The following FAM13C variants were observed in gnomAD, a reference collection of about 807,000 sequenced individuals.
FAM13C encodes the protein family with sequence similarity 13 member C, also known as protein FAM13C.
Under a neutral mutation model 73.2 loss-of-function variants are expected in FAM13C, and 37 were observed. That is an observed-to-expected ratio of 0.51 (90% confidence interval 0.39 to 0.67). The LOEUF (loss-of-function observed/expected upper bound fraction) is 0.67, where lower values mean the gene tolerates loss of function less well. Among genes scored for constraint, FAM13C ranks in the 30% least tolerant of loss-of-function variants. FAM13C has a pLI of 0.00. For synonymous variants in FAM13C, 246 were observed against 260.9 expected (o/e 0.94, Z 0.55); for missense variants, 589 against 715.6 (o/e 0.82, Z 2.02).
At chr10:59,305,515 T>A (rs544576309) in intron 4 of FAM13C, among the ~76,000 whole-genome samples, 2 of 152,364 alleles carry the variant, frequency 1.3e-5, no homozygotes, top group East Asian at 3.9e-4. Context: ...ATTTGCATCC[T>A]GAAGAAAGCA....
At position 59,324,508 on chromosome 10, in the gene FAM13C, T is replaced by TCACA. The variant is rs140864889; in HGVS notation, c.325-406_325-403dup. Among the ~76,000 whole-genome samples the TCACA allele has an allele frequency of 2.3e-4, 35 of 149,048 alleles. No homozygotes were observed. In the South Asian group the frequency reaches 5.6e-3, roughly 24 times the overall value. On this transcript the variant is annotated intron_variant, in intron 3 of 13. Coordinates refer to ENST00000618804, the MANE Select transcript of FAM13C (RefSeq NM_198215.4). ...CATATGTATGAATGTTCACACATAC[T>TCACA]CACACACACACACACACACCCCACA... is the stretch of plus-strand genomic sequence containing the variant.
intron 8 of FAM13C, among the ~76,000 whole-genome samples, chr10:59,264,630 G>A (rs773927734): frequency 5.3e-5 from 8 of 152,250 alleles, no homozygotes; most frequent in East Asian, 1.9e-4. Flanking sequence ...ACCATAACCC[G>A]TGGGAGAATA....
In FAM13C at chr10:59,246,838, A is replaced by T; in HGVS notation, c.*776T>A. 1 of 384,082 alleles carries T rather than the reference A, an allele frequency of 2.6e-6. No homozygotes were observed. The highest frequency in any genetic ancestry group is 4.6e-6 in the Non-Finnish European group (1 of 217,088). The allele number at this position is 384,082 out of a possible 1,614,324, so 23.8% of individuals were successfully genotyped here. A position where few individuals can be genotyped will look rare whatever the true frequency, so the allele number is the denominator to read the frequency against. On this transcript the variant is annotated 3_prime_UTR_variant, in exon 14 of 14. Coordinates refer to ENST00000618804, the MANE Select transcript of FAM13C (RefSeq NM_198215.4). ...AGATTAGCAATAATACTATGGACAC[A>T]TTAGATTATATACTACAGACACATA...
intron 5 of FAM13C, among the ~76,000 whole-genome samples, chr10:59,291,785 C>CTTTTT (rs3078288): frequency 1.4e-5 from 1 of 72,772 alleles, no homozygotes; most frequent in Non-Finnish European, 2.8e-5. Flanking sequence ...TATAAACTCC[C>CTTTTT]TTTTTTTTTT....
intron 4 of FAM13C, among the ~76,000 whole-genome samples, chr10:59,308,375 C>T (rs1404627127): frequency 1.3e-5 from 2 of 151,900 alleles, no homozygotes; most frequent in African/African-American, 4.8e-5. Context: ...ACTACCACCA[C>T]CACCATTACC....
intron 8 of FAM13C, among the ~76,000 whole-genome samples, 197 bp downstream of exon 8, chr10:59,268,356 T>C (rs1328283338): frequency 1.3e-5 from 2 of 152,002 alleles, no homozygotes; most frequent in East Asian, 3.9e-4. Flanking sequence ...CTAGAAAATA[T>C]CCTAGCAGAG....
chr10:59,270,195 C>A, intron 6 of FAM13C, 86 bp from the exon 7 acceptor site: 17 of 1,306,410 alleles, frequency 1.3e-5, no homozygotes, highest in Admixed American at 2.2e-5. Flanking sequence ...CATAAGCATT[C>A]ATTATAATGG....
chr10:59,279,059 G>A (rs772061949), intron 6 of FAM13C, among the ~76,000 whole-genome samples: 18 of 152,084 alleles, frequency 1.2e-4, no homozygotes, highest in Admixed American at 3.9e-4. Flanking sequence ...TTTCTAAATC[G>A]CACCTGCAGC....
intron 5 of FAM13C, among the ~76,000 whole-genome samples, chr10:59,299,744 T>A (rs1847341880): frequency 6.6e-6 from 1 of 152,002 alleles, no homozygotes; most frequent in Admixed American, 6.5e-5. Context: ...CACTGACAGA[T>A]CTCAAGTCTA....
chr10:59,272,647 G>A (rs1477460270), intron 6 of FAM13C, among the ~76,000 whole-genome samples: 1 of 152,200 alleles, frequency 6.6e-6, no homozygotes, highest in African/African-American at 2.4e-5. Context: ...AGAGGAAAGG[G>A]TCTGGGAGCC....
At chr10:59,344,862 C>T (rs10826281) in intron 3 of FAM13C, among the ~76,000 whole-genome samples, 113,537 of 151,800 alleles carry the variant, frequency 0.75, 42,748 homozygotes, top group East Asian at 0.86. Flanking sequence ...AACTTCTCCA[C>T]AGTAGAGGCA....
At chr10:59,257,016 T>C (rs1330901188) in intron 10 of FAM13C, among the ~76,000 whole-genome samples, 1 of 152,208 alleles carries the variant, frequency 6.6e-6, no homozygotes, top group Non-Finnish European at 1.5e-5. Context: ...CCTTTATGTT[T>C]TCGGTTACAC....
rs1442759232 is a variant in FAM13C at position 59,330,131 on chromosome 10, T to A, written c.325-6025A>T. Among the ~76,000 whole-genome samples the A allele has an allele frequency of 4.6e-5, 7 of 152,318 alleles. 1 individual carries two copies. In the East Asian group the frequency reaches 1.4e-3, roughly 29 times the overall value. On this transcript the variant is annotated intron_variant, in intron 3 of 13. Coordinates refer to ENST00000618804, the MANE Select transcript of FAM13C (RefSeq NM_198215.4). Reference sequence around the variant, plus strand: ...AACAGCTTTGATATACAGTTCTTGATCGATTTGGGAGGAATTGCATTAATT... The same window carrying A: ...AACAGCTTTGATATACAGTTCTTGAACGATTTGGGAGGAATTGCATTAATT...
chr10:59,253,973 T>C (rs1841668364), intron 11 of FAM13C: 1 of 226,422 alleles, frequency 4.4e-6, no homozygotes, highest in African/African-American at 2.2e-5. Context: ...ATTGTTAATT[T>C]TCTGATTAAA....
At chr10:59,302,465 C>T (rs1362783810) in intron 5 of FAM13C, among the ~76,000 whole-genome samples, 1 of 152,052 alleles carries the variant, frequency 6.6e-6, no homozygotes, top group Admixed American at 6.5e-5. Flanking sequence ...GAGATGTAGA[C>T]AAAATAAAAT....
At position 59,362,536 on chromosome 10, in the gene FAM13C, C is replaced by A; in HGVS notation, c.-76G>T. On this transcript the variant is annotated 5_prime_UTR_variant, in exon 1 of 14. Transcript: ENST00000618804. ...GAGCACATACACAAACATGGCATTG[C>A]AAGGCAAGTCTCCGGGCTCGCCCGG... is the stretch of plus-strand genomic sequence containing the variant. The A allele has an allele frequency of 6.3e-7, 1 of 1,578,150 alleles. No homozygotes were observed. The highest frequency in any genetic ancestry group is 8.6e-7 in the Non-Finnish European group (1 of 1,160,936).
In FAM13C at chr10:59,250,883, C is replaced by T. The variant is rs114836642; in HGVS notation, c.1634+692G>A. Among the ~76,000 whole-genome samples the T allele has an allele frequency of 4.7e-3, 719 of 152,260 alleles. 12 individuals carry two copies. The highest frequency in any genetic ancestry group is 0.017 in the African/African-American group (690 of 41,538). ...TCCCAGGAGTCCAACCATTTCAGCTCATAAAATGGGAACTGAGGTTCAAGA... is the reference window on the plus strand; with the variant it reads ...TCCCAGGAGTCCAACCATTTCAGCTTATAAAATGGGAACTGAGGTTCAAGA... On this transcript the variant is annotated intron_variant, in intron 13 of 13. Coordinates refer to ENST00000618804, the MANE Select transcript of FAM13C (RefSeq NM_198215.4).
At chr10:59,323,931 G>T in intron 4 of FAM13C, 57 bp downstream of exon 4, 3 of 1,359,276 alleles carry the variant, frequency 2.2e-6, no homozygotes, top group Non-Finnish European at 2.0e-6. Context: ...CAAGCACACA[G>T]CATTTCTGAG....
chr10:59,266,225 G>A (rs926254760), intron 8 of FAM13C, among the ~76,000 whole-genome samples: 7 of 152,302 alleles, frequency 4.6e-5, no homozygotes, highest in Admixed American at 4.6e-4. Flanking sequence ...ACTGAAGGTA[G>A]ACGTGTGGCT....
Sources: allele counts gnomAD v4.1 joint callset (sites outside exome capture counted in the v4.1 genomes callset), GRCh38; gene constraint gnomAD v4.1.1; transcripts MANE v1.5; gene names NCBI Gene and HGNC (gene_info 2026-07-23, HGNC 2026-07-21).